Variants in NGLY1 observed in about 807,000 individuals in gnomAD.
The protein encoded by NGLY1 is N-glycanase 1.
NGLY1 carries 68 observed loss-of-function variants against 84.6 expected under a neutral mutation model. The ratio of observed to expected loss-of-function variants is 0.80; its 90% CI spans 0.66 to 0.98. The LOEUF (loss-of-function observed/expected upper bound fraction) is 0.98. Ranked by LOEUF, NGLY1 falls within the 50% of genes least tolerant of loss-of-function variation. The pLI, the probability that NGLY1 is intolerant of heterozygous loss-of-function variation, is 0.00. For missense variants in NGLY1, 779 were observed against 770.2 expected, an observed-to-expected ratio of 1.01 and a Z score of -0.14; for synonymous variants, 280 against 275.2, an observed-to-expected ratio of 1.02 and a Z score of -0.17.
chr3:25,766,148 C>T (rs1707559814), intron 2 of NGLY1, among the ~76,000 whole-genome samples: 1 of 150,698 alleles, frequency 6.6e-6, no homozygotes, highest in African/African-American at 2.4e-5. Context: ...TCACTGCAAC[C>T]TCCACCTCCC....
intron 7 of NGLY1, chr3:25,734,436 C>CGG (rs1705715052): frequency 6.6e-6 from 1 of 151,904 alleles, no homozygotes; most frequent in Non-Finnish European, 1.5e-5. Flanking sequence ...GGTGCAGTGG[C>CGG]TCATGCCTGT....
intron 1 of NGLY1, among the ~76,000 whole-genome samples, chr3:25,781,877 GGGTTTTAAATAGC>G (rs1031440811): frequency 6.6e-6 from 1 of 152,162 alleles, no homozygotes; most frequent in African/African-American, 2.4e-5. Context: ...CTGACTAGTG[GGGTTTTAAATAGC>G]CTGGTGGCTT....
At chr3:25,784,861 CAA>C (rs751813885), upstream of NGLY1, among the ~76,000 whole-genome samples, 4 of 152,240 alleles carry the variant, frequency 2.6e-5, no homozygotes, top group Middle Eastern at 0.01. Flanking sequence ...GGGCTTAACA[CAA>C]GAGTAATTTC....
intron 3 of NGLY1, chr3:25,755,770 T>A: frequency 1.3e-6 from 1 of 785,680 alleles, no homozygotes; most frequent in African/African-American, 1.7e-5. Flanking sequence ...CTTCTCGTTT[T>A]ACCTTAAAAG....
chr3:25,733,466 C>CGTGTATGTGTGT (rs1491564606), intron 8 of NGLY1, among the ~76,000 whole-genome samples: 202 of 134,210 alleles, frequency 1.5e-3, no homozygotes, highest in African/African-American at 5.3e-3. Flanking sequence ...CTCACATGGA[C>CGTGTATGTGTGT]GTGTGTGTGT....
chr3:25,785,311 TA>T (rs1708578956), upstream of NGLY1, among the ~76,000 whole-genome samples: 1 of 151,750 alleles, frequency 6.6e-6, no homozygotes, highest in South Asian at 2.1e-4. Context: ...TAAAAACACA[TA>T]AAAAGATAAA....
intron 5 of NGLY1, among the ~76,000 whole-genome samples, chr3:25,738,711 C>T (rs915282670): frequency 1.3e-5 from 2 of 151,944 alleles, no homozygotes; most frequent in Non-Finnish European, 2.9e-5. Context: ...TCACTGCAAC[C>T]TCTGCCTCCC....
intron 4 of NGLY1, 23 bp from the exon 5 acceptor site, chr3:25,739,822 A>G (rs770429408): frequency 6.3e-7 from 1 of 1,581,228 alleles, no homozygotes; most frequent in South Asian, 1.1e-5. Context: ...GGGAGGACCA[A>G]GTAAGAGCTA....
intron 2 of NGLY1, among the ~76,000 whole-genome samples, chr3:25,768,885 T>G (rs1487296618): frequency 6.6e-6 from 1 of 151,564 alleles, no homozygotes; most frequent in Non-Finnish European, 1.5e-5. Flanking sequence ...AAGCAAAAAT[T>G]GACAAAAGGT....
intron 3 of NGLY1, among the ~76,000 whole-genome samples, chr3:25,753,392 GAATT>G (rs1273011366): frequency 6.9e-6 from 1 of 144,790 alleles, no homozygotes; most frequent in Non-Finnish European, 1.5e-5. Context: ...CTATCTAAAA[GAATT>G]ATTAGGAAAG....
intron 1 of NGLY1, among the ~76,000 whole-genome samples, chr3:25,789,510 G>GA (rs998270251): frequency 1.3e-5 from 2 of 151,882 alleles, no homozygotes; most frequent in African/African-American, 4.8e-5. Context: ...AATTATTTTT[G>GA]AAAAAACGGA....
intron 4 of NGLY1, chr3:25,749,558 A>T (rs1706618838): frequency 8.3e-6 from 13 of 1,558,610 alleles, no homozygotes; most frequent in Non-Finnish European, 1.1e-5. Flanking sequence ...ATCCGGCACC[A>T]GTCTGACTGA....
At chr3:25,756,680 T>C (rs1483707051) in intron 3 of NGLY1, among the ~76,000 whole-genome samples, 1 of 152,222 alleles carries the variant, frequency 6.6e-6, no homozygotes, top group Non-Finnish European at 1.5e-5. Context: ...TTTTGATCAC[T>C]GCTGCTTGAG....
rs1338367672 is a variant in NGLY1, at chr3:25,719,361, T to A, written c.*99A>T. 2.2e-6 allele frequency: 2 copies of A among 894,624 alleles called. No individual in the cohort carries two copies. Among genetic ancestry groups the A allele is most frequent in the Non-Finnish European group, 1.7e-6 (1 of 578,018 alleles). The allele number at this position is 894,624 out of a possible 1,614,324, so 55.4% of individuals were successfully genotyped here. A position where few individuals can be genotyped will look rare whatever the true frequency, so the allele number is the denominator to read the frequency against. On this transcript the variant is annotated 3_prime_UTR_variant, in exon 12 of 12. Coordinates refer to ENST00000280700, the MANE Select transcript of NGLY1 (RefSeq NM_018297.4). ...TGGATAGCTAGCAAAAGAAATATGCTAGCACAGGGTGGTAACTGCCAACTA... is the reference window on the plus strand; with the variant it reads ...TGGATAGCTAGCAAAAGAAATATGCAAGCACAGGGTGGTAACTGCCAACTA...
In NGLY1 at chr3:25,755,288, A is replaced by G. The variant is rs568969333; in HGVS notation, c.493-4025T>C. ...ACTCCCACCTGATAGATACTGCTTA[A>G]CAGCTCCAAACTATAGGCTGAAGTC... On this transcript the variant is annotated intron_variant, in intron 3 of 11. Coordinates refer to ENST00000280700, the MANE Select transcript of NGLY1 (RefSeq NM_018297.4). The G allele has an allele frequency of 8.1e-6, 11 of 1,363,648 alleles. No individual in the cohort carries two copies. The Admixed American group carries it at 1.3e-4, about 17-fold the overall frequency. 84.5% of individuals were successfully genotyped at this position (1,363,648 alleles called of 1,614,324 possible). A position where few individuals can be genotyped will look rare whatever the true frequency, so the allele number is the denominator to read the frequency against.
At chr3:25,783,919 T>G (rs78855254), upstream of NGLY1, 1 of 152,504 alleles carries the variant, frequency 6.6e-6, no homozygotes, top group African/African-American at 2.4e-5. This position sits in a 1 kb window ranked among gnomAD's most constrained non-coding sequence, Gnocchi z 4.5. Flanking sequence ...ATCGGGCGAA[T>G]GGTGCTGGCA....
chr3:25,755,085 CA>C, intron 3 of NGLY1: 3 of 1,444,680 alleles, frequency 2.1e-6, no homozygotes, highest in Non-Finnish European at 1.9e-6. Context: ...CTGGATGATG[CA>C]AAAATTTATT....
chr3:25,733,466 CGT>C (rs60529800), intron 8 of NGLY1, among the ~76,000 whole-genome samples: 30,034 of 133,424 alleles, frequency 0.23, 3,180 homozygotes, highest in East Asian at 0.3. Context: ...CTCACATGGA[CGT>C]GTGTGTGTGT....
intron 3 of NGLY1, chr3:25,755,249 T>C: frequency 2.2e-6 from 3 of 1,372,804 alleles, no homozygotes; most frequent in Non-Finnish European, 3.1e-6. Flanking sequence ...GATTAAGCCA[T>C]ATGCAGGACC....
Sources: allele counts gnomAD v4.1 joint callset (sites outside exome capture counted in the v4.1 genomes callset), GRCh38; gene constraint gnomAD v4.1.1; non-coding constraint Gnocchi (gnomAD v3.1); transcripts MANE v1.5; gene names NCBI Gene and HGNC (gene_info 2026-07-23, HGNC 2026-07-21).